Variants in RTN4RL1 observed in about 807,000 individuals in gnomAD.
RTN4RL1 encodes reticulon-4 receptor-like 1.
RTN4RL1 carries 7 observed loss-of-function variants against 25.6 expected under a neutral mutation model. The observed-to-expected ratio is 0.27, with a 90% CI of 0.16 to 0.51. The LOEUF (loss-of-function observed/expected upper bound fraction) is 0.51, where lower values mean the gene tolerates loss of function less well. Among genes scored for constraint, RTN4RL1 ranks in the 20% least tolerant of loss-of-function variants. The probability of loss-of-function intolerance (pLI) is 0.97; values close to 1 mark genes in which losing one functional copy is unlikely to be tolerated. For synonymous variants in RTN4RL1, 297 were observed against 288.2 expected (o/e 1.03, Z -0.31); for missense variants, 500 against 615.6 (o/e 0.81, Z 1.99).
intron 1 of RTN4RL1, among the ~76,000 whole-genome samples, chr17:1,945,610 C>T (rs185303663): frequency 3.7e-4 from 57 of 152,218 alleles, no homozygotes; most frequent in African/African-American, 1.3e-3. Flanking sequence ...CTGGGCCTCC[C>T]AAAGTGCTGG....
Position 1,998,827 on chromosome 17 carries a change from C to T in RTN4RL1, c.13+26026G>A, listed in dbSNP as rs1020161534. Among the ~76,000 whole-genome samples the T allele has an allele frequency of 7.2e-5, 11 of 151,904 alleles. No individual in the cohort carries two copies. The highest frequency in any genetic ancestry group is 2.7e-4 in the African/African-American group (11 of 41,250). On this transcript the variant is annotated intron_variant, in intron 1 of 1. Transcript: ENST00000331238. This position sits in a 1 kb window ranked among gnomAD's most constrained non-coding sequence, Gnocchi z 4.9. ...GCGAGGGCCCTAAAAACGCTGGGGA[C>T]GCGGGTTTGACGCACTTTCCCGGCA...
At chr17:1,956,447 G>T (rs145823381) in intron 1 of RTN4RL1, among the ~76,000 whole-genome samples, 1 of 149,898 alleles carries the variant, frequency 6.7e-6, no homozygotes, top group Non-Finnish European at 1.5e-5. Flanking sequence ...TGGTGGGGGG[G>T]CGGGTTCCAG....
chr17:2,005,338 A>T (rs1350886667), intron 1 of RTN4RL1, among the ~76,000 whole-genome samples: 1 of 152,156 alleles, frequency 6.6e-6, no homozygotes, highest in African/African-American at 2.4e-5. Flanking sequence ...GTCTTCTTTA[A>T]TCTTCACAAC....
At chr17:1,988,144 C>T (rs535541356) in intron 1 of RTN4RL1, among the ~76,000 whole-genome samples, 22 of 146,668 alleles carry the variant, frequency 1.5e-4, no homozygotes, top group Admixed American at 8.8e-4. Context: ...GGAGGCCGGG[C>T]ATGGTGGCTC....
At chr17:1,969,426 G>T (rs2066808271) in intron 1 of RTN4RL1, among the ~76,000 whole-genome samples, 1 of 152,146 alleles carries the variant, frequency 6.6e-6, no homozygotes. Flanking sequence ...GCCCAGAACA[G>T]CTAGGACTTG....
intron 1 of RTN4RL1, among the ~76,000 whole-genome samples, chr17:1,979,344 G>A (rs1329557381): frequency 6.6e-6 from 1 of 152,018 alleles, no homozygotes; most frequent in Admixed American, 6.6e-5. Context: ...AGGCATGGTG[G>A]CACACGCCTG....
chr17:1,944,303 C>T (rs920949704), intron 1 of RTN4RL1, among the ~76,000 whole-genome samples: 2 of 152,132 alleles, frequency 1.3e-5, no homozygotes, highest in African/African-American at 2.4e-5. Context: ...CCAGCGTGGC[C>T]CTCTTGTCTG....
At chr17:1,978,452 G>A (rs1225069348) in intron 1 of RTN4RL1, among the ~76,000 whole-genome samples, 1 of 152,242 alleles carries the variant, frequency 6.6e-6, no homozygotes, top group East Asian at 1.9e-4. Context: ...TTGGCCGACC[G>A]TCCGCAACAG....
chr17:2,001,808 C>T (rs985335335), intron 1 of RTN4RL1, among the ~76,000 whole-genome samples: 1 of 152,130 alleles, frequency 6.6e-6, no homozygotes, highest in East Asian at 1.9e-4. Flanking sequence ...CCCCAGGACT[C>T]GATGGGCTGC....
intron 1 of RTN4RL1, chr17:2,017,622 C>T (rs2067141334): frequency 6.6e-6 from 1 of 152,290 alleles, no homozygotes; most frequent in South Asian, 2.1e-4. Context: ...GCAACAGTGA[C>T]CTCTGCCACA....
In RTN4RL1 at chr17:2,018,164, C is replaced by T. The variant is rs543297455; in HGVS notation, c.13+6689G>A. ...TATAGGTGGTGGAGCCAGTGTGTTC[C>T]GGGGCTGTGCTAGCAAGTCCATCAG... On this transcript the variant is annotated intron_variant, in intron 1 of 1. Transcript: ENST00000331238. 9.4e-4 allele frequency: 144 copies of T among 152,580 alleles called. 2 individuals carry two copies. Among genetic ancestry groups the T allele is most frequent in the South Asian group, 2.5e-3 (12 of 4,838 alleles). The allele number at this position is 152,580 out of a possible 1,614,324, so 9.5% of individuals were successfully genotyped here.
intron 1 of RTN4RL1, among the ~76,000 whole-genome samples, chr17:1,982,945 C>G (rs2066873714): frequency 6.6e-6 from 1 of 152,184 alleles, no homozygotes; most frequent in Non-Finnish European, 1.5e-5. Flanking sequence ...TTCCCCAGTT[C>G]TCTCTCAGGC....
At chr17:1,970,369 G>A (rs1402033897) in intron 1 of RTN4RL1, among the ~76,000 whole-genome samples, 1 of 152,152 alleles carries the variant, frequency 6.6e-6, no homozygotes. Flanking sequence ...CTCCAGCAAG[G>A]TAGCTGGATT....
rs559759279 is a variant in RTN4RL1 at position 1,995,333 on chromosome 17, G to C, written c.13+29520C>G. ...CCCAGCTACTCGGGAAGCTGAGGCA[G>C]GAAAATCACTTAAACTCGGGAGGCG... On this transcript the variant is annotated intron_variant, in intron 1 of 1. Transcript: ENST00000331238. Among the ~76,000 whole-genome samples, 12 of 151,948 alleles carry C rather than the reference G, an allele frequency of 7.9e-5. 1 individual carries two copies. The East Asian group carries it at 2.3e-3, about 29-fold the overall frequency.
At chr17:2,015,452 C>T (rs1183619759) in intron 1 of RTN4RL1, among the ~76,000 whole-genome samples, 1 of 152,118 alleles carries the variant, frequency 6.6e-6, no homozygotes, top group Non-Finnish European at 1.5e-5. Flanking sequence ...CTGAAAGCCC[C>T]CAGAGCCAAG....
intron 1 of RTN4RL1, among the ~76,000 whole-genome samples, chr17:1,959,172 T>C (rs966025075): frequency 6.6e-6 from 1 of 152,236 alleles, no homozygotes; most frequent in African/African-American, 2.4e-5. Context: ...GAGACCCTTA[T>C]ACTCTGGGCA....
At chr17:1,954,455 C>G (rs2151308159) in intron 1 of RTN4RL1, among the ~76,000 whole-genome samples, 1 of 144,198 alleles carries the variant, frequency 6.9e-6, no homozygotes, top group South Asian at 2.2e-4. Flanking sequence ...GTGGCACGAT[C>G]TCAGCTCACT....
At chr17:1,977,887 T>TGCACCCCGCATCCC (rs1555519165) in intron 1 of RTN4RL1, among the ~76,000 whole-genome samples, 4 of 151,116 alleles carry the variant, frequency 2.6e-5, no homozygotes, top group Admixed American at 2.0e-4. Flanking sequence ...TCCTGCATCC[T>TGCACCCCGCATCCC]GCACCCCGCA....
At chr17:1,956,069 T>A (rs1915786863) in intron 1 of RTN4RL1, among the ~76,000 whole-genome samples, 1 of 152,120 alleles carries the variant, frequency 6.6e-6, no homozygotes, top group Admixed American at 6.6e-5. Flanking sequence ...GAAATAAAAT[T>A]GGGATCATGC....
Sources: allele counts gnomAD v4.1 joint callset (sites outside exome capture counted in the v4.1 genomes callset), GRCh38; gene constraint gnomAD v4.1.1; non-coding constraint Gnocchi (gnomAD v3.1); transcripts MANE v1.5; gene names NCBI Gene and HGNC (gene_info 2026-07-23, HGNC 2026-07-21).